Variants in TAF1 observed in about 807,000 individuals in gnomAD.
The protein encoded by TAF1 is transcription initiation factor TFIID subunit 1.
TAF1 carries 2 observed loss-of-function variants against 138.5 expected under a neutral mutation model. The ratio of observed to expected loss-of-function variants is 0.01; its 90% CI spans 0.01 to 0.05. TAF1 has a LOEUF of 0.05. TAF1 is among the 10% of genes least tolerant of loss of function. The pLI, the probability that TAF1 is intolerant of heterozygous loss-of-function variation, is 1.00. For missense variants in TAF1, 709 were observed against 1,478.0 expected, an observed-to-expected ratio of 0.48 and a Z score of 8.53; for synonymous variants, 437 against 503.2, an observed-to-expected ratio of 0.87 and a Z score of 1.76.
In TAF1 at chrX:71,399,738, A is replaced by AT. The variant is rs1266960976; in HGVS notation, c.3786+1011dup. On this transcript the variant is annotated intron_variant, in intron 24 of 37. Coordinates refer to ENST00000423759, the MANE Select transcript of TAF1 (RefSeq NM_004606.5). ...AGGCATGTGCTACCATGCCCAGCTA[A>AT]TTTTTTTTTTGAGACAGAGTTTCGC... is the stretch of plus-strand genomic sequence containing the variant. Among the ~76,000 whole-genome samples the AT allele has an allele frequency of 2.4e-4, 24 of 101,790 alleles. No individual in the cohort carries two copies. In the South Asian group the frequency reaches 3.5e-3, roughly 15 times the overall value. 88.4% of individuals were successfully genotyped at this position (101,790 alleles called of 115,157 possible). A position where few individuals can be genotyped will look rare whatever the true frequency, so the allele number is the denominator to read the frequency against.
At chrX:71,388,717 C>T (rs368122313) in intron 16 of TAF1, 21 bp from the exon 17 acceptor site, 3 of 1,209,147 alleles carry the variant, frequency 2.5e-6, no homozygotes, top group African/African-American at 3.5e-5. Context: ...GTCTCATTCT[C>T]TATGTATATG....
At chrX:71,405,298 T>C (rs1455291805) in intron 25 of TAF1, among the ~76,000 whole-genome samples, 2 of 110,881 alleles carry the variant, frequency 1.8e-5, no homozygotes, top group Non-Finnish European at 3.8e-5. Context: ...TTGTGTGTAA[T>C]TTAAGAAATC....
chrX:71,388,612 G>T, intron 16 of TAF1, 126 bp from the exon 17 acceptor site: 1 of 991,450 alleles, frequency 1.0e-6, no homozygotes, highest in Non-Finnish European at 1.4e-6. Context: ...GGGTTTTCTT[G>T]GCCAGTCATG....
At chrX:71,501,433 G>T (rs2039504849) in intron 13 of TAF1, among the ~76,000 whole-genome samples, 1 of 111,330 alleles carries the variant, frequency 9.0e-6, no homozygotes, top group Admixed American at 9.6e-5. Flanking sequence ...ACAGGGAGTG[G>T]TTTTTAAAAG....
At chrX:71,447,794 G>A (rs2037767472) in intron 32 of TAF1, among the ~76,000 whole-genome samples, 1 of 110,566 alleles carries the variant, frequency 9.0e-6, no homozygotes, top group Non-Finnish European at 1.9e-5. Context: ...CATACAGAAG[G>A]AAATTAACTT....
At chrX:71,386,356 C>G (rs2034225731) in intron 14 of TAF1, among the ~76,000 whole-genome samples, 1 of 111,703 alleles carries the variant, frequency 9.0e-6, no homozygotes, top group Non-Finnish European at 1.9e-5. Context: ...TCTACTTAAA[C>G]TGGCTCAAAT....
intron 32 of TAF1, among the ~76,000 whole-genome samples, chrX:71,452,112 C>T (rs910020719): frequency 1.9e-5 from 2 of 103,543 alleles, no homozygotes; most frequent in Admixed American, 1.0e-4. Flanking sequence ...GGGGCTGACC[C>T]CCCCCCCCAC....
intron 13 of TAF1, among the ~76,000 whole-genome samples, chrX:71,499,031 C>G (rs1359677838): frequency 1.8e-5 from 2 of 111,526 alleles, no homozygotes; most frequent in Non-Finnish European, 3.8e-5. Flanking sequence ...GCGTTTGCCC[C>G]AGGCACCCTC....
chrX:71,454,148 C>T, intron 32 of TAF1, 22 bp from the exon 33 acceptor site: 1 of 1,187,543 alleles, frequency 8.4e-7, no homozygotes, highest in Non-Finnish European at 1.1e-6. Flanking sequence ...AAGATAATGG[C>T]ACTTTCTTAT....
chrX:71,434,414 T>A (rs140707962), intron 32 of TAF1, among the ~76,000 whole-genome samples: 1,493 of 112,396 alleles, frequency 0.013, 11 homozygotes, highest in African/African-American at 0.034. Flanking sequence ...ATTCAGATCC[T>A]TCACACATAA....
At chrX:71,412,591 G>GT (rs996682079) in intron 28 of TAF1, among the ~76,000 whole-genome samples, 2 of 110,891 alleles carry the variant, frequency 1.8e-5, no homozygotes, top group Non-Finnish European at 3.8e-5. Context: ...GACATTTGGG[G>GT]TTTTTTTTGT....
chrX:71,462,017 C>T (rs1042853584), intron 37 of TAF1, among the ~76,000 whole-genome samples: 1 of 111,779 alleles, frequency 8.9e-6, no homozygotes, highest in East Asian at 2.8e-4. Flanking sequence ...AGGCATGAAA[C>T]GCTTTCAGAG....
intron 12 of TAF1, 108 bp downstream of exon 12, chrX:71,383,272 T>C (rs1340527286): frequency 2.3e-6 from 2 of 876,220 alleles, no homozygotes; most frequent in East Asian, 7.0e-5. Flanking sequence ...TTTTCTCAGA[T>C]GTGATAGAAT....
downstream of TAF1, among the ~76,000 whole-genome samples, chrX:71,468,255 AAAAG>A (rs944484968): frequency 2.8e-4 from 30 of 108,763 alleles, no homozygotes; most frequent in African/African-American, 8.7e-4. Flanking sequence ...CCTGTCAAAA[AAAAG>A]AGAAAAAAGA....
chrX:71,442,151 C>A (rs1250485923), intron 32 of TAF1, among the ~76,000 whole-genome samples: 2 of 112,139 alleles, frequency 1.8e-5, no homozygotes, highest in Admixed American at 1.9e-4. Flanking sequence ...TTTATAGCAG[C>A]ATGATTTATA....
intron 32 of TAF1, among the ~76,000 whole-genome samples, chrX:71,451,685 A>G (rs1386467428): frequency 9.1e-6 from 1 of 109,721 alleles, no homozygotes. Context: ...ACTCTTAAGG[A>G]GCATGCTGCC....
chrX:71,461,558 A>C (rs1210519722), intron 37 of TAF1, among the ~76,000 whole-genome samples: 1 of 111,314 alleles, frequency 9.0e-6, no homozygotes, highest in Non-Finnish European at 1.9e-5. Flanking sequence ...AGGAAAGAGG[A>C]AGAATACATA....
chrX:71,373,878 T>C (rs2033275875), intron 3 of TAF1, among the ~76,000 whole-genome samples: 1 of 109,984 alleles, frequency 9.1e-6, no homozygotes. Flanking sequence ...ATAGAAAAAG[T>C]GTGTCATCTC....
At chrX:71,387,174 C>T (rs2034280587) in intron 14 of TAF1, 87 bp from the exon 15 acceptor site, 1 of 956,182 alleles carries the variant, frequency 1.0e-6, no homozygotes, top group Non-Finnish European at 1.5e-6. Flanking sequence ...AGATGGAGAG[C>T]AATAAGCTTG....
Sources: allele counts gnomAD v4.1 joint callset (sites outside exome capture counted in the v4.1 genomes callset), GRCh38; gene constraint gnomAD v4.1.1; transcripts MANE v1.5; gene names NCBI Gene and HGNC (gene_info 2026-07-23, HGNC 2026-07-21).